The following SLC39A12 variants were observed in gnomAD, a reference collection of about 807,000 sequenced individuals.
The protein encoded by SLC39A12 is zinc transporter ZIP12.
Under a neutral mutation model 71.1 loss-of-function variants are expected in SLC39A12, and 63 were observed. The observed-to-expected ratio is 0.89, with a 90% CI of 0.72 to 1.09. SLC39A12 has a LOEUF of 1.09. Ranked by LOEUF, SLC39A12 falls within the 50% of genes least tolerant of loss-of-function variation. SLC39A12 has a pLI of 0.00. For missense variants in SLC39A12, 892 were observed against 812.6 expected, an observed-to-expected ratio of 1.10 and a Z score of -1.19; for synonymous variants, 351 against 301.3, an observed-to-expected ratio of 1.16 and a Z score of -1.71.
chr10:18,041,634 TA>T (rs1257272152), intron 12 of SLC39A12, among the ~76,000 whole-genome samples: 1 of 99,710 alleles, frequency 1.0e-5, no homozygotes, highest in Non-Finnish European at 2.1e-5. Context: ...TATATATGTG[TA>T]TATATATGTA....
intron 12 of SLC39A12, among the ~76,000 whole-genome samples, chr10:18,020,169 C>T (rs1242605488): frequency 6.6e-6 from 1 of 151,870 alleles, no homozygotes; most frequent in African/African-American, 2.4e-5. Flanking sequence ...ATCTATTATA[C>T]CCTTCTTGAG....
intron 9 of SLC39A12, among the ~76,000 whole-genome samples, chr10:17,994,689 C>A (rs564573901): frequency 6.6e-6 from 1 of 152,210 alleles, no homozygotes. Context: ...CTGTATCCTA[C>A]AGGCTCTACC....
At chr10:17,989,033 C>T (rs1001837717) in intron 7 of SLC39A12, among the ~76,000 whole-genome samples, 6 of 152,194 alleles carry the variant, frequency 3.9e-5, no homozygotes, top group African/African-American at 1.4e-4. Context: ...CTCTTAAGGG[C>T]AGGTGAGCAC....
chr10:18,018,437 G>A (rs1477425645), intron 12 of SLC39A12, among the ~76,000 whole-genome samples: 1 of 152,094 alleles, frequency 6.6e-6, no homozygotes, highest in East Asian at 1.9e-4. Context: ...AGTGGTGAGA[G>A]GGCTCATCCT....
intron 12 of SLC39A12, among the ~76,000 whole-genome samples, chr10:18,026,025 C>T (rs1836667676): frequency 6.6e-6 from 1 of 152,130 alleles, no homozygotes; most frequent in African/African-American, 2.4e-5. Flanking sequence ...ATTCATTTCA[C>T]TTATACATGA....
intron 12 of SLC39A12, among the ~76,000 whole-genome samples, chr10:18,003,578 G>T (rs907787314): frequency 6.6e-6 from 1 of 152,168 alleles, no homozygotes; most frequent in Admixed American, 6.5e-5. Flanking sequence ...TAGTGTTAAA[G>T]TGACAGGTGT....
chr10:17,965,482 GTGT>G lies in SLC39A12; in HGVS notation c.544_546del (p.Cys182del), dbSNP rs761767684. On this transcript the variant is annotated inframe_deletion and splice_region_variant, in exon 4 of 13. Coordinates refer to ENST00000377369, the MANE Select transcript of SLC39A12 (RefSeq NM_001145195.2). ...TCTCTTTATTTTGTATCTGATTTCA[GTGT>G]ATGGAAACCAAAACGCTGCAGAAAA... 4 of 1,613,566 alleles carry G rather than the reference GTGT, an allele frequency of 2.5e-6. No individual in the cohort carries two copies. In the South Asian group the frequency reaches 4.4e-5, roughly 18 times the overall value.
chr10:17,969,340 T>G (rs913592238), intron 4 of SLC39A12, among the ~76,000 whole-genome samples: 2 of 152,260 alleles, frequency 1.3e-5, no homozygotes, highest in East Asian at 1.9e-4. Context: ...GTAGCTCAAT[T>G]TTTAGTTTTT....
chr10:17,969,209 G>A (rs928070138), intron 4 of SLC39A12, among the ~76,000 whole-genome samples: 3 of 152,134 alleles, frequency 2.0e-5, no homozygotes, highest in Non-Finnish European at 4.4e-5. Context: ...CACTTAGGTT[G>A]CTTCCAGATC....
intron 12 of SLC39A12, among the ~76,000 whole-genome samples, chr10:18,010,824 T>G (rs917851608): frequency 2.6e-5 from 4 of 152,170 alleles, no homozygotes; most frequent in Non-Finnish European, 5.9e-5. Context: ...ATGGGTTCAC[T>G]TATACTCAGA....
At chr10:17,988,027 A>C (rs1835448701) in intron 7 of SLC39A12, among the ~76,000 whole-genome samples, 1 of 152,290 alleles carries the variant, frequency 6.6e-6, no homozygotes, top group African/African-American at 2.4e-5. Flanking sequence ...TACAAAAATT[A>C]GCTGCACATG....
chr10:17,996,308 C>A (rs574732322), intron 10 of SLC39A12, among the ~76,000 whole-genome samples: 1 of 152,166 alleles, frequency 6.6e-6, no homozygotes, highest in South Asian at 2.1e-4. Context: ...ACTTTATTAA[C>A]CTGTGCTTAT....
intron 3 of SLC39A12, 99 bp downstream of exon 3, chr10:17,961,961 T>C: frequency 8.2e-7 from 1 of 1,212,330 alleles, no homozygotes. Flanking sequence ...CAAGGACTTC[T>C]AAGGGAGGTA....
At chr10:18,029,095 T>A (rs920113209) in intron 12 of SLC39A12, among the ~76,000 whole-genome samples, 3 of 151,796 alleles carry the variant, frequency 2.0e-5, no homozygotes, top group Non-Finnish European at 4.4e-5. Context: ...ATGGTCTCAA[T>A]CTCCTGAACT....
intron 4 of SLC39A12, among the ~76,000 whole-genome samples, chr10:17,976,036 T>C (rs986506169): frequency 2.6e-5 from 4 of 152,172 alleles, no homozygotes; most frequent in Non-Finnish European, 5.9e-5. Flanking sequence ...CTGCTGCTAC[T>C]GGGGAGGTGG....
chr10:18,036,784 A>ATTTTTTT (rs1277319900), intron 12 of SLC39A12, among the ~76,000 whole-genome samples: 3 of 7,678 alleles, frequency 3.9e-4, no homozygotes, highest in African/African-American at 1.1e-3. Flanking sequence ...ATATATATAT[A>ATTTTTTT]TATATATATA....
intron 6 of SLC39A12, among the ~76,000 whole-genome samples, chr10:17,985,587 T>G (rs1295367857): frequency 1.3e-5 from 2 of 152,166 alleles, no homozygotes; most frequent in African/African-American, 4.8e-5. Context: ...CATTGTTTAC[T>G]AACTAGTTTG....
rs1195629854 is a variant in SLC39A12 at position 18,036,746 on chromosome 10, TTATATATATATATATATATATATATATA to T, written c.1948-5937_1948-5910del. Among the ~76,000 whole-genome samples the T allele has an allele frequency of 1.9e-4, 7 of 37,496 alleles. 1 individual carries two copies. The highest frequency in any genetic ancestry group is 9.4e-4 in the Admixed American group (3 of 3,204). 24.6% of individuals were successfully genotyped at this position (37,496 alleles called of 152,430 possible). On this transcript the variant is annotated intron_variant, in intron 12 of 12. Transcript: ENST00000377369. ...CATCTTGCAGTTAGCATTTTAAAAA[TTATATATATATATATATATATATATATA>T]TATATATATATATATATATATTTTT...
chr10:18,042,554 T>G, intron 12 of SLC39A12, 151 bp from the exon 13 acceptor site: 1 of 574,626 alleles, frequency 1.7e-6, no homozygotes, highest in Non-Finnish European at 2.7e-6. Flanking sequence ...TTCAAAGACA[T>G]GGTAGAGTAG....
Sources: allele counts gnomAD v4.1 joint callset (sites outside exome capture counted in the v4.1 genomes callset), GRCh38; gene constraint gnomAD v4.1.1; transcripts MANE v1.5; gene names NCBI Gene and HGNC (gene_info 2026-07-23, HGNC 2026-07-21).